Variants in GALNT11 observed in about 807,000 individuals in gnomAD.
GALNT11 encodes UDP-GalNAc:polypeptide N-acetylgalactosaminyltransferase 11.
A neutral mutation model predicts 72.7 loss-of-function variants in GALNT11; 47 were observed. The ratio of observed to expected loss-of-function variants is 0.65; its 90% confidence interval spans 0.51 to 0.82. The LOEUF (loss-of-function observed/expected upper bound fraction) is 0.82. GALNT11 is among the 40% of genes least tolerant of loss of function. GALNT11 has a pLI of 0.00. For synonymous variants in GALNT11, 270 were observed against 286.6 expected (o/e 0.94, Z 0.58); for missense variants, 677 against 778.4 (o/e 0.87, Z 1.55).
chr7:152,075,109 G>A (rs1374210257), intron 1 of GALNT11: 1 of 151,800 alleles, frequency 6.6e-6, no homozygotes, highest in Non-Finnish European at 1.5e-5. Context: ...CTGCTTCCCC[G>A]AGTTTCTCAC....
chr7:152,034,647 C>G (rs1243807480), intron 1 of GALNT11, among the ~76,000 whole-genome samples: 2 of 152,178 alleles, frequency 1.3e-5, no homozygotes, highest in Non-Finnish European at 2.9e-5. Flanking sequence ...TCCCTGAACC[C>G]TGCTGATCGG....
At chr7:152,073,571 C>A (rs2084789727) in intron 1 of GALNT11, among the ~76,000 whole-genome samples, 1 of 152,176 alleles carries the variant, frequency 6.6e-6, no homozygotes, top group African/African-American at 2.4e-5. Flanking sequence ...CATTCCGTAT[C>A]TTGGCTATTG....
intron 1 of GALNT11, among the ~76,000 whole-genome samples, chr7:152,052,176 T>C (rs2083437481): frequency 6.6e-6 from 1 of 152,218 alleles, no homozygotes; most frequent in Non-Finnish European, 1.5e-5. Context: ...TGCTGTAACA[T>C]GCATTATACT....
chr7:152,083,015 C>T (rs2085409486), intron 1 of GALNT11, among the ~76,000 whole-genome samples: 1 of 151,888 alleles, frequency 6.6e-6, no homozygotes, highest in African/African-American at 2.4e-5. Flanking sequence ...GCTCACAGAC[C>T]CTAAGGTGAC....
At chr7:152,103,609 T>G (rs1034310782) in intron 4 of GALNT11, 18 of 241,530 alleles carry the variant, frequency 7.5e-5, no homozygotes, top group African/African-American at 3.9e-4. Flanking sequence ...AAAATTCCCC[T>G]GTCAGAACCA....
At chr7:152,057,210 G>C (rs144403101) in intron 1 of GALNT11, among the ~76,000 whole-genome samples, 1 of 150,476 alleles carries the variant, frequency 6.6e-6, no homozygotes, top group Non-Finnish European at 1.5e-5. Context: ...CATGAAGAAA[G>C]TAATAGATTT....
At chr7:152,088,667 G>A (rs2085809143) in intron 1 of GALNT11, among the ~76,000 whole-genome samples, 1 of 152,148 alleles carries the variant, frequency 6.6e-6, no homozygotes, top group Non-Finnish European at 1.5e-5. Context: ...GAAGGTCATT[G>A]CATCTACCTA....
chr7:152,076,031 C>T (rs1210447576), intron 1 of GALNT11, among the ~76,000 whole-genome samples: 1 of 131,828 alleles, frequency 7.6e-6, no homozygotes, highest in African/African-American at 2.9e-5. Flanking sequence ...CACTGCACTC[C>T]AGCCTGGGCG....
chr7:152,087,418 TG>T (rs2085718648), intron 1 of GALNT11, among the ~76,000 whole-genome samples: 2 of 152,120 alleles, frequency 1.3e-5, no homozygotes, highest in African/African-American at 4.8e-5. Flanking sequence ...GTAATTGAAA[TG>T]TTTGACCCAC....
intron 1 of GALNT11, among the ~76,000 whole-genome samples, chr7:152,037,539 G>A (rs2082639884): frequency 6.6e-6 from 1 of 152,036 alleles, no homozygotes; most frequent in South Asian, 2.1e-4. Flanking sequence ...CTTCAGTTCT[G>A]TTGTTTTTGC....
Position 152,100,788 on chromosome 7 carries a change from T to C in GALNT11, c.296-10T>C. On this transcript the variant is annotated splice_polypyrimidine_tract_variant and intron_variant, in intron 2 of 11. Transcript: ENST00000430044. ...GATTTAATTCGCTGACTAACTTCACTCTTTTGCAGGTATGATTTTTAATGA... is the reference window on the plus strand; with the variant it reads ...GATTTAATTCGCTGACTAACTTCACCCTTTTGCAGGTATGATTTTTAATGA... 6.2e-7 allele frequency: 1 copy of C among 1,612,938 alleles called. No homozygotes were observed.
intron 1 of GALNT11, among the ~76,000 whole-genome samples, chr7:152,063,856 T>C (rs982328871): frequency 2.6e-5 from 4 of 152,202 alleles, no homozygotes; most frequent in Non-Finnish European, 5.9e-5. Context: ...TTCTTTTACA[T>C]TTGCTGAGGA....
intron 1 of GALNT11, among the ~76,000 whole-genome samples, chr7:152,051,371 G>A (rs1029576961): frequency 6.6e-6 from 1 of 151,516 alleles, no homozygotes; most frequent in Admixed American, 6.6e-5. Context: ...TTTTTAAAAT[G>A]AATGCTGTTG....
intron 1 of GALNT11, among the ~76,000 whole-genome samples, chr7:152,030,562 C>T (rs1204587668): frequency 6.6e-6 from 1 of 152,214 alleles, no homozygotes; most frequent in Non-Finnish European, 1.5e-5. Context: ...CCCTCAGTCT[C>T]TTGCCTCGGC....
Position 152,117,510 on chromosome 7 carries a change from A to G in GALNT11, c.1452+135A>G, listed in dbSNP as rs552207667. On this transcript the variant is annotated intron_variant, in intron 9 of 11. Coordinates refer to ENST00000430044, the MANE Select transcript of GALNT11 (RefSeq NM_022087.4). ...GACAGGCTTCAGCTTGCCTTTCATT[A>G]TATTCTCTTTATGGGAACTTCTCTA... 2.5e-4 allele frequency: 210 copies of G among 848,682 alleles called. 1 individual carries two copies. In the African/African-American group the frequency reaches 3.3e-3, roughly 13 times the overall value. 52.6% of individuals were successfully genotyped at this position (848,682 alleles called of 1,614,324 possible).
chr7:152,051,119 GT>G, intron 1 of GALNT11, among the ~76,000 whole-genome samples: 1 of 145,376 alleles, frequency 6.9e-6, no homozygotes. Context: ...GTGGATTGTT[GT>G]TTAATTTGGG....
intron 1 of GALNT11, among the ~76,000 whole-genome samples, chr7:152,059,220 C>T (rs1041775120): frequency 3.3e-5 from 5 of 152,222 alleles, no homozygotes; most frequent in South Asian, 4.1e-4. Flanking sequence ...CTCAGCCTCC[C>T]GAGTTGTTGG....
intron 1 of GALNT11, among the ~76,000 whole-genome samples, chr7:152,036,944 T>C (rs1446723711): frequency 6.6e-6 from 1 of 152,252 alleles, no homozygotes; most frequent in East Asian, 1.9e-4. Flanking sequence ...TAGATTTTTT[T>C]CCTATAGCAT....
intron 6 of GALNT11, among the ~76,000 whole-genome samples, chr7:152,110,141 G>C (rs750201616): frequency 6.6e-6 from 1 of 152,164 alleles, no homozygotes; most frequent in Non-Finnish European, 1.5e-5. Context: ...GGTCTAACTT[G>C]TGTGAGTCCA....
Sources: allele counts gnomAD v4.1 joint callset (sites outside exome capture counted in the v4.1 genomes callset), GRCh38; gene constraint gnomAD v4.1.1; transcripts MANE v1.5; gene names NCBI Gene and HGNC (gene_info 2026-07-23, HGNC 2026-07-21).